PYURF: variants seen among roughly 807,000 people sequenced by gnomAD.
PYURF encodes protein preY, mitochondrial.
Under a neutral mutation model 8.0 loss-of-function variants are expected in PYURF, and 9 were observed. The observed-to-expected ratio is 1.13, with a 90% CI of 0.68 to 1.97. The LOEUF (loss-of-function observed/expected upper bound fraction) is 1.97. Among genes scored for constraint, PYURF ranks in the 30% most tolerant of loss-of-function variants. The pLI is 0.00. For synonymous variants in PYURF, 56 were observed against 68.3 expected, an observed-to-expected ratio of 0.82 and a Z score of 0.89; for missense variants, 130 against 158.0, an observed-to-expected ratio of 0.82 and a Z score of 0.95.
rs1422945347 is a variant in PYURF, at chr4:88,522,031, T to C, written c.204-2A>G. ...AATTCGTTTGTTGATGCTTCATATCTGAGGTGGAAAAAAAAAGAACAAAAT... is the reference window on the plus strand; with the variant it reads ...AATTCGTTTGTTGATGCTTCATATCCGAGGTGGAAAAAAAAAGAACAAAAT... On this transcript the variant is annotated splice_acceptor_variant, in intron 1 of 1. Coordinates refer to ENST00000273968, the MANE Select transcript of PYURF (RefSeq NM_032906.5). LOFTEE classifies it high-confidence loss of function. 3 of 1,525,994 alleles carry C rather than the reference T, an allele frequency of 2.0e-6. No individual in the cohort carries two copies. In the African/African-American group the frequency reaches 4.2e-5, roughly 21 times the overall value. 94.5% of individuals were successfully genotyped at this position (1,525,994 alleles called of 1,614,324 possible).
Position 88,523,751 on chromosome 4 carries a change from G to T in PYURF, c.-51C>A. The T allele has an allele frequency of 2.2e-6, 3 of 1,388,870 alleles. No individual in the cohort carries two copies. The highest frequency in any genetic ancestry group is 2.9e-5 in the East Asian group (1 of 34,292). The allele number at this position is 1,388,870 out of a possible 1,614,324, so 86.0% of individuals were successfully genotyped here. A position where few individuals can be genotyped will look rare whatever the true frequency, so the allele number is the denominator to read the frequency against. On this transcript the variant is annotated 5_prime_UTR_variant, in exon 1 of 2. Transcript: ENST00000273968. ...CACCGCAGCCTCGCCACCCGTGGCC[G>T]AGCTCCCGGCTTCCCGTTCGTCCAG...
chr4:88,523,544 C>A lies in PYURF; in HGVS notation c.157G>T (p.Ala53Ser), dbSNP rs1742459687. Residue 53 changes from alanine (A) to serine (S), a missense_variant, in exon 1 of 2, where the codon GCG (alanine) becomes TCG (serine). Physicochemically the swap from Ala to Ser is moderately conservative, Grantham distance 99 (BLOSUM62 1). Transcript: ENST00000273968. Reference sequence around the variant, plus strand: ...GGGCACACCAGGAACTCCAGCAGCGCCGGATCGAAGTCGCGGGGCGGCTCC... The same window carrying A: ...GGGCACACCAGGAACTCCAGCAGCGACGGATCGAAGTCGCGGGGCGGCTCC... ...TEEPPRDFDP[A>S]LLEFLVCPLS... The A allele has an allele frequency of 6.4e-7, 1 of 1,551,052 alleles. No individual in the cohort carries two copies. The highest frequency in any genetic ancestry group is 8.7e-7 in the Non-Finnish European group (1 of 1,146,888).
Position 88,521,577 on chromosome 4 carries a change from A to G in PYURF, c.*311T>C, listed in dbSNP as rs1354758242. On this transcript the variant is annotated 3_prime_UTR_variant, in exon 2 of 2. Coordinates refer to ENST00000273968, the MANE Select transcript of PYURF (RefSeq NM_032906.5). ...CAGCATATTGACTCTAGTTGCATCAATTATGCCTGAAGAGTTTAATACCCA... is the reference window on the plus strand; with the variant it reads ...CAGCATATTGACTCTAGTTGCATCAGTTATGCCTGAAGAGTTTAATACCCA... The G allele has an allele frequency of 6.2e-7, 1 of 1,601,698 alleles. No individual in the cohort carries two copies. The highest frequency in any genetic ancestry group is 1.3e-5 in the African/African-American group (1 of 74,784).
chr4:88,523,723 C>A lies in PYURF; in HGVS notation c.-23G>T. On this transcript the variant is annotated 5_prime_UTR_variant, in exon 1 of 2. Coordinates refer to ENST00000273968, the MANE Select transcript of PYURF (RefSeq NM_032906.5). ...CATGGTCTGGCAGCCGGAGACCAGG[C>A]CTCACCGCAGCCTCGCCACCCGTGG... 1 of 1,427,194 alleles carries A rather than the reference C, an allele frequency of 7.0e-7. No homozygotes were observed. The highest frequency in any genetic ancestry group is 9.1e-7 in the Non-Finnish European group (1 of 1,098,194). The allele number at this position is 1,427,194 out of a possible 1,614,324, so 88.4% of individuals were successfully genotyped here. A position where few individuals can be genotyped will look rare whatever the true frequency, so the allele number is the denominator to read the frequency against.
In PYURF at chr4:88,523,760, G is replaced by A. The variant is rs1742477030; in HGVS notation, c.-60C>T. The A allele has an allele frequency of 1.4e-6, 2 of 1,383,642 alleles. No homozygotes were observed. The highest frequency in any genetic ancestry group is 1.6e-5 in the South Asian group (1 of 63,728). The allele number at this position is 1,383,642 out of a possible 1,614,324, so 85.7% of individuals were successfully genotyped here. A position where few individuals can be genotyped will look rare whatever the true frequency, so the allele number is the denominator to read the frequency against. On this transcript the variant is annotated 5_prime_UTR_variant, in exon 1 of 2. Transcript: ENST00000273968. ...CTCGCCACCCGTGGCCGAGCTCCCG[G>A]CTTCCCGTTCGTCCAGGCCAGCCGG...
chr4:88,522,520 G>C (rs1742406953), intron 1 of PYURF, among the ~76,000 whole-genome samples: 1 of 152,192 alleles, frequency 6.6e-6, no homozygotes, highest in Admixed American at 6.5e-5. Context: ...AAAGCACTAA[G>C]TCTGCAGTGA....
chr4:88,521,783 G>C lies in PYURF; in HGVS notation c.*105C>G. On this transcript the variant is annotated 3_prime_UTR_variant, in exon 2 of 2. Coordinates refer to ENST00000273968, the MANE Select transcript of PYURF (RefSeq NM_032906.5). ...AGAACAGTCAACGTAGGAAGAGACAGAAACATTCTTCTCTTCCACTTATTA... is the reference window on the plus strand; with the variant it reads ...AGAACAGTCAACGTAGGAAGAGACACAAACATTCTTCTCTTCCACTTATTA... 6.2e-7 allele frequency: 1 copy of C among 1,610,618 alleles called. No individual in the cohort carries two copies. The highest frequency in any genetic ancestry group is 2.2e-5 in the East Asian group (1 of 44,848).
At chr4:88,523,321 C>T (rs766088647) in intron 1 of PYURF, among the ~76,000 whole-genome samples, 177 bp downstream of exon 1, 36 of 152,182 alleles carry the variant, frequency 2.4e-4, no homozygotes, top group Non-Finnish European at 4.9e-4. Flanking sequence ...GCTCCCCTGG[C>T]CTCCGGTCTC....
chr4:88,521,942 C>T lies in PYURF; in HGVS notation c.291G>A (p.Gln97=). The T allele has an allele frequency of 6.4e-7, 1 of 1,551,522 alleles. No homozygotes were observed. The highest frequency in any genetic ancestry group is 1.2e-5 in the South Asian group (1 of 84,018). The change falls in exon 2 of 2, where the codon CAG becomes CAA. Residue 97 remains glutamine (Q), a synonymous_variant. Coordinates refer to ENST00000273968, the MANE Select transcript of PYURF (RefSeq NM_032906.5). The part of the protein sequence containing the change: ...IIDGIPNMIP[Q]AARMTRQSKK... ...TACTTTGACGTGTCATCCTAGCTGC[C>T]TGTGGTATCATATTAGGGATCCCAT...
rs753283238 is a variant in PYURF at position 88,521,580 on chromosome 4, A to G, written c.*308T>C. The stretch of plus-strand genomic sequence containing the variant: ...CATATTGACTCTAGTTGCATCAATT[A>G]TGCCTGAAGAGTTTAATACCCATCC... On this transcript the variant is annotated 3_prime_UTR_variant, in exon 2 of 2. Coordinates refer to ENST00000273968, the MANE Select transcript of PYURF (RefSeq NM_032906.5). 77 of 1,603,086 alleles carry G rather than the reference A, an allele frequency of 4.8e-5. No homozygotes were observed. Among genetic ancestry groups the G allele is most frequent in the Non-Finnish European group, 6.3e-5 (74 of 1,170,026 alleles).
intron 1 of PYURF, among the ~76,000 whole-genome samples, 173 bp downstream of exon 1, chr4:88,523,325 C>T (rs1179035807): frequency 6.6e-6 from 1 of 152,206 alleles, no homozygotes; most frequent in African/African-American, 2.4e-5. Flanking sequence ...CCCTGGCCTC[C>T]GGTCTCCCCC....
In PYURF at chr4:88,521,912, C is replaced by A. The variant is rs1742382670; in HGVS notation, c.321G>T (p.Lys107Asn). ...QAARMTRQSK[K>N]QEEVEQR The stretch of plus-strand genomic sequence containing the variant: ...ACTAGCGCTGCTCCACTTCTTCTTG[C>A]TTCTTACTTTGACGTGTCATCCTAG... The change falls in exon 2 of 2, where the codon AAG (lysine) becomes AAT (asparagine). Residue 107 changes from lysine to asparagine, a missense_variant. By Grantham distance (94) the Lys-to-Asn change is moderately conservative. Transcript: ENST00000273968. The A allele has an allele frequency of 4.5e-6, 7 of 1,550,462 alleles. No homozygotes were observed. Among genetic ancestry groups the A allele is most frequent in the African/African-American group, 1.4e-5 (1 of 72,956 alleles).
chr4:88,521,628 A>G lies in PYURF; in HGVS notation c.*260T>C, dbSNP rs771281068. 73 of 1,613,894 alleles carry G rather than the reference A, an allele frequency of 4.5e-5. 1 individual carries two copies. The highest frequency in any genetic ancestry group is 5.3e-5 in the Non-Finnish European group (62 of 1,179,878). On this transcript the variant is annotated 3_prime_UTR_variant, in exon 2 of 2. Transcript: ENST00000273968. ...TCCAAGTCCAAAGGTGGAAGAATAC[A>G]TACACTGGTATGGTAATAGGCAAGA...
Position 88,521,212 on chromosome 4 carries a change from C to T in PYURF, c.*676G>A. 1 of 205,926 alleles carries T rather than the reference C, an allele frequency of 4.9e-6. No homozygotes were observed. The highest frequency in any genetic ancestry group is 1.0e-5 in the Non-Finnish European group (1 of 100,446). The allele number at this position is 205,926 out of a possible 1,614,324, so 12.8% of individuals were successfully genotyped here. ...TTGGAATTATTTCAGTCATCCTTAA[C>T]ATGTGACTTTACCAAAGACCTTGAA... On this transcript the variant is annotated 3_prime_UTR_variant, in exon 2 of 2. Transcript: ENST00000273968.
In PYURF at chr4:88,523,697, G is replaced by GC; in HGVS notation, c.3dup (p.Leu2AlafsTer25). 2 of 1,470,150 alleles carry GC rather than the reference G, an allele frequency of 1.4e-6. No individual in the cohort carries two copies. Among genetic ancestry groups the GC allele is most frequent in the Non-Finnish European group, 1.8e-6 (2 of 1,118,754 alleles). 91.1% of individuals were successfully genotyped at this position (1,470,150 alleles called of 1,614,324 possible). A position where few individuals can be genotyped will look rare whatever the true frequency, so the allele number is the denominator to read the frequency against. On this transcript the variant is annotated frameshift_variant, in exon 1 of 2. Transcript: ENST00000273968. LOFTEE classifies it high-confidence loss of function. ...GCGAGCCTGCAGCGTGCTCCACTCA[G>GC]CATGGTCTGGCAGCCGGAGACCAGG...
Position 88,521,786 on chromosome 4 carries a change from A to G in PYURF, c.*102T>C. 6.2e-7 allele frequency: 1 copy of G among 1,610,084 alleles called. No homozygotes were observed. The highest frequency in any genetic ancestry group is 8.5e-7 in the Non-Finnish European group (1 of 1,177,554). ...ACAGTCAACGTAGGAAGAGACAGAAACATTCTTCTCTTCCACTTATTACCT... is the reference window on the plus strand; with the variant it reads ...ACAGTCAACGTAGGAAGAGACAGAAGCATTCTTCTCTTCCACTTATTACCT... On this transcript the variant is annotated 3_prime_UTR_variant, in exon 2 of 2. Transcript: ENST00000273968.
chr4:88,521,861 G>GT lies in PYURF; in HGVS notation c.*26dup, dbSNP rs763505992. ...GGTATTAAGAAAAGTTGGCTGTTGC[G>GT]TTTTTTTAATTTTTTTAAATTATGA... On this transcript the variant is annotated 3_prime_UTR_variant, in exon 2 of 2. Coordinates refer to ENST00000273968, the MANE Select transcript of PYURF (RefSeq NM_032906.5). The GT allele has an allele frequency of 7.8e-6, 12 of 1,547,592 alleles. No homozygotes were observed. In the South Asian group the frequency reaches 9.7e-5, roughly 13 times the overall value.
rs757754457 is a variant in PYURF at position 88,521,711 on chromosome 4, C to T, written c.*177G>A. On this transcript the variant is annotated 3_prime_UTR_variant, in exon 2 of 2. Coordinates refer to ENST00000273968, the MANE Select transcript of PYURF (RefSeq NM_032906.5). Reference sequence around the variant, plus strand: ...GTGCAGCCCTGTGGGAAGTTTTCTTCCACAGAGGCTGAGTAGAACAGTCCT... The same window carrying T: ...GTGCAGCCCTGTGGGAAGTTTTCTTTCACAGAGGCTGAGTAGAACAGTCCT... The T allele has an allele frequency of 6.8e-6, 11 of 1,613,876 alleles. No individual in the cohort carries two copies. The highest frequency in any genetic ancestry group is 4.2e-6 in the Non-Finnish European group (5 of 1,179,860).
chr4:88,521,722 G>A lies in PYURF; in HGVS notation c.*166C>T, dbSNP rs1256438767. 4 of 1,613,902 alleles carry A rather than the reference G, an allele frequency of 2.5e-6. No homozygotes were observed. Among genetic ancestry groups the A allele is most frequent in the African/African-American group, 2.7e-5 (2 of 75,066 alleles). ...TGGGAAGTTTTCTTCCACAGAGGCT[G>A]AGTAGAACAGTCCTGCTAAAGAAAC... On this transcript the variant is annotated 3_prime_UTR_variant, in exon 2 of 2. Transcript: ENST00000273968.
Sources: gnomAD v4.1 joint callset for allele counts (sites outside exome capture counted in the v4.1 genomes callset) on GRCh38, gnomAD v4.1.1 for gene constraint, MANE v1.5 for transcripts, NCBI Gene and HGNC (gene_info 2026-07-23, HGNC 2026-07-21) for gene names.